The following PCDHGA1 variants were observed in gnomAD, a reference collection of about 807,000 sequenced individuals.
PCDHGA1 encodes the protein protocadherin gamma subfamily A, 1, also known as protocadherin gamma-A1.
Under a neutral mutation model 58.0 loss-of-function variants are expected in PCDHGA1, and 32 were observed. The ratio of observed to expected loss-of-function variants is 0.55; its 90% CI spans 0.42 to 0.74. The LOEUF is 0.74. Among genes scored for constraint, PCDHGA1 ranks in the 30% least tolerant of loss-of-function variants. PCDHGA1 has a pLI of 0.00. For missense variants in PCDHGA1, 1,205 were observed against 1,182.3 expected (o/e 1.02, Z -0.28); for synonymous variants, 498 against 501.1 (o/e 0.99, Z 0.08).
chr5:141,491,709 C>T lies in PCDHGA1; in HGVS notation c.2422-3098C>T, dbSNP rs2099725685. On this transcript the variant is annotated intron_variant, in intron 1 of 3. Coordinates refer to ENST00000517417, the MANE Select transcript of PCDHGA1 (RefSeq NM_018912.3). The surrounding 1 kb of genome is among the most constrained non-coding windows in gnomAD (Gnocchi z 6.9). The stretch of plus-strand genomic sequence containing the variant: ...TGCGGGAGCGGAGCCAGGTGAGGGG[C>T]TCGGCGCCGCCCCGGGCGACCCCTG... 6.2e-7 allele frequency: 1 copy of T among 1,610,156 alleles called. No homozygotes were observed. Among genetic ancestry groups the T allele is most frequent in the Non-Finnish European group, 8.5e-7 (1 of 1,178,376 alleles).
Position 141,352,289 on chromosome 5 carries a change from C to T in PCDHGA1, c.2421+19184C>T, listed in dbSNP as rs1758969682. 3.1e-6 allele frequency: 5 copies of T among 1,614,082 alleles called. No individual in the cohort carries two copies. The East Asian group carries it at 1.1e-4, about 36-fold the overall frequency. ...GCCAGACCTCAGCGACCGCCCTGAG[C>T]CCTCTGACCCCCAGACGGAACTGCA... On this transcript the variant is annotated intron_variant, in intron 1 of 3. Coordinates refer to ENST00000517417, the MANE Select transcript of PCDHGA1 (RefSeq NM_018912.3).
At chr5:141,354,965 A>G (rs1437220880) in intron 1 of PCDHGA1, 10 of 506,296 alleles carry the variant, frequency 2.0e-5, no homozygotes. Context: ...ACAGGTTAAG[A>G]CTCTGGGTGT....
At chr5:141,389,714 C>A in intron 1 of PCDHGA1, 1 of 1,612,536 alleles carries the variant, frequency 6.2e-7, no homozygotes, top group South Asian at 1.1e-5. Flanking sequence ...TGCAGGCTAG[C>A]GAGCCCGGGC....
intron 1 of PCDHGA1, chr5:141,420,323 A>G (rs753373746): frequency 2.1e-6 from 3 of 1,410,102 alleles, no homozygotes; most frequent in East Asian, 2.4e-5. Flanking sequence ...CAATATGCCA[A>G]TATATTCCAA....
chr5:141,437,444 G>A (rs957088733), intron 1 of PCDHGA1, among the ~76,000 whole-genome samples: 26 of 152,212 alleles, frequency 1.7e-4, no homozygotes, highest in Admixed American at 2.0e-4. Context: ...GCATAGGAAT[G>A]TTGAGGAGAC....
At chr5:141,352,469 CCCAACCACAGCGAGGGGACTTTG>C (rs1561503439) in intron 1 of PCDHGA1, 1 of 1,614,014 alleles carries the variant, frequency 6.2e-7, no homozygotes, top group South Asian at 1.1e-5. Context: ...CGGGGTTCCT[CCCAACCACAGCGAGGGGACTTTG>C]CCCTATTCCT....
intron 1 of PCDHGA1, chr5:141,344,961 G>A: frequency 1.2e-6 from 2 of 1,613,836 alleles, no homozygotes; most frequent in Non-Finnish European, 8.5e-7. Context: ...TCTAGATTAT[G>A]AGGATGCCAT....
intron 1 of PCDHGA1, chr5:141,424,513 T>C (rs1339689551): frequency 6.6e-6 from 1 of 152,224 alleles, no homozygotes; most frequent in Non-Finnish European, 1.5e-5. Context: ...GGTTTTTTAA[T>C]GTAGTAAATC....
At chr5:141,370,986 G>T in intron 1 of PCDHGA1, 1 of 1,613,992 alleles carries the variant, frequency 6.2e-7, no homozygotes, top group Non-Finnish European at 8.5e-7. Flanking sequence ...AGTACTGAAA[G>T]CACCCCTGGA....
At chr5:141,372,392 T>G in intron 1 of PCDHGA1, 2 of 1,614,052 alleles carry the variant, frequency 1.2e-6, no homozygotes, top group East Asian at 2.2e-5. Flanking sequence ...TCTTCGCAGA[T>G]AGCTTGCAAG....
At chr5:141,414,099 A>C in intron 1 of PCDHGA1, 3 of 1,593,504 alleles carry the variant, frequency 1.9e-6, no homozygotes, top group Non-Finnish European at 8.5e-7. Flanking sequence ...TAAAAATATC[A>C]GAAAATCTAG....
chr5:141,374,181 A>C (rs765792921), intron 1 of PCDHGA1: 2 of 1,613,530 alleles, frequency 1.2e-6, no homozygotes, highest in African/African-American at 2.7e-5. Flanking sequence ...CAGATCCGCT[A>C]CTCTATTCCC....
rs1007318194 is a variant in PCDHGA1, at chr5:141,512,035, T to G, written c.*862T>G. On this transcript the variant is annotated 3_prime_UTR_variant, in exon 4 of 4. Coordinates refer to ENST00000517417, the MANE Select transcript of PCDHGA1 (RefSeq NM_018912.3). ...AAGTTATCAAGGCCTTGGAGGAGGC[T>G]CTGTATGTCCTCAGGGGACTGACAA... 1.3e-5 allele frequency: 2 copies of G among 152,870 alleles called. No individual in the cohort carries two copies. Among genetic ancestry groups the G allele is most frequent in the African/African-American group, 4.8e-5 (2 of 41,464 alleles). The allele number at this position is 152,870 out of a possible 1,614,324, so 9.5% of individuals were successfully genotyped here.
At chr5:141,415,740 G>GTTTTTTTTTTTTTTTTTTGTTTTTTTTT in intron 1 of PCDHGA1, 1 of 617,992 alleles carries the variant, frequency 1.6e-6, no homozygotes, top group Non-Finnish European at 2.1e-6. Flanking sequence ...GTTTATTAAG[G>GTTTTTTTTTTTTTTTTTTGTTTTTTTTT]TTTTTTTTTT....
intron 1 of PCDHGA1, chr5:141,350,106 T>C: frequency 1.9e-6 from 1 of 524,158 alleles, no homozygotes; most frequent in Non-Finnish European, 3.0e-6. Flanking sequence ...GGTGCCTTCC[T>C]GCTTTGTCCG....
At chr5:141,360,116 G>C (rs1286160130) in intron 1 of PCDHGA1, 1 of 1,570,542 alleles carries the variant, frequency 6.4e-7, no homozygotes, top group Non-Finnish European at 8.6e-7. Flanking sequence ...TATGGGCAAA[G>C]GAGCAAAGGG....
intron 1 of PCDHGA1, chr5:141,361,069 G>T (rs747875757): frequency 2.5e-6 from 4 of 1,613,910 alleles, no homozygotes; most frequent in Non-Finnish European, 3.4e-6. Context: ...TTTTGAGATT[G>T]CAAGTAGTTA....
intron 1 of PCDHGA1, chr5:141,419,135 G>A (rs2096331504): frequency 3.1e-6 from 5 of 1,613,910 alleles, no homozygotes; most frequent in Non-Finnish European, 4.2e-6. Flanking sequence ...CGCAGCCACA[G>A]ACAGGGGCAA....
chr5:141,410,329 G>A, intron 1 of PCDHGA1: 4 of 1,613,982 alleles, frequency 2.5e-6, no homozygotes, highest in Non-Finnish European at 3.4e-6. Flanking sequence ...CCGTGATTCT[G>A]GCCATTGCCT....
Sources: gnomAD v4.1 joint callset for allele counts (sites outside exome capture counted in the v4.1 genomes callset) on GRCh38, gnomAD v4.1.1 for gene constraint, Gnocchi (gnomAD v3.1) non-coding constraint, MANE v1.5 for transcripts, NCBI Gene and HGNC (gene_info 2026-07-23, HGNC 2026-07-21) for gene names.